CSF3: variants seen among roughly 807,000 people sequenced by gnomAD.
CSF3 encodes granulocyte colony-stimulating factor.
In CSF3, 17 loss-of-function variants were observed where a neutral mutation model predicts 20.2. The observed-to-expected ratio is 0.84, with a 90% CI of 0.58 to 1.26. CSF3 has a LOEUF of 1.26. Ranked by LOEUF, CSF3 falls within the 50% of genes most tolerant of loss-of-function variation. CSF3 has a pLI of 0.00. For missense variants in CSF3, 210 were observed against 256.0 expected (o/e 0.82, Z 1.23); for synonymous variants, 125 against 115.3 (o/e 1.08, Z -0.54).
intron 2 of CSF3, 115 bp downstream of exon 2, chr17:40,015,960 T>A: frequency 7.1e-7 from 1 of 1,414,266 alleles, no homozygotes; most frequent in Non-Finnish European, 9.4e-7. Context: ...TTAGGAGCAG[T>A]GGAGCTGGGG....
In CSF3 at chr17:40,017,178, A is replaced by G. The variant is rs1398738602; in HGVS notation, c.*219A>G. On this transcript the variant is annotated 3_prime_UTR_variant, in exon 5 of 5. Transcript: ENST00000394149. ...GATAGGTAAATACCAAGTATTTATTACTATGACTGCTCCCCAGCCCTGGCT... is the reference window on the plus strand; with the variant it reads ...GATAGGTAAATACCAAGTATTTATTGCTATGACTGCTCCCCAGCCCTGGCT... The G allele has an allele frequency of 4.4e-6, 2 of 458,926 alleles. No homozygotes were observed. Among genetic ancestry groups the G allele is most frequent in the African/African-American group, 4.1e-5 (2 of 48,852 alleles). 28.4% of individuals were successfully genotyped at this position (458,926 alleles called of 1,614,324 possible).
At chr17:40,016,195 G>T in intron 2 of CSF3, 38 bp from the exon 3 acceptor site, 1 of 1,462,158 alleles carries the variant, frequency 6.8e-7, no homozygotes, top group Non-Finnish European at 9.2e-7. Flanking sequence ...CGGCGACCCG[G>T]CCATGGCGAG....
In CSF3 at chr17:40,015,581, A is replaced by C; in HGVS notation, c.40+67A>C. On this transcript the variant is annotated intron_variant, in intron 1 of 4. Transcript: ENST00000394149. The stretch of plus-strand genomic sequence containing the variant: ...CATGGGAGGGAGGCTGGTGTGACAG[A>C]GGGGCTGGGGATCCCCGTTCTGGGA... The C allele has an allele frequency of 1.9e-6, 3 of 1,548,744 alleles. No homozygotes were observed. The South Asian group carries it at 3.6e-5, about 18-fold the overall frequency.
intron 2 of CSF3, 39 bp downstream of exon 2, chr17:40,015,884 G>T (rs758932124): frequency 1.3e-6 from 2 of 1,578,066 alleles, no homozygotes; most frequent in Non-Finnish European, 1.7e-6. Flanking sequence ...AGGGAAGCCC[G>T]GTGGGGAGAG....
intron 2 of CSF3, 145 bp downstream of exon 2, chr17:40,015,990 GGGA>G (rs1981357875): frequency 1.6e-6 from 2 of 1,273,872 alleles, no homozygotes; most frequent in Non-Finnish European, 1.1e-6. Flanking sequence ...AAGGGACTTG[GGGA>G]GGAGGACCTT....
At chr17:40,015,873 G>C in intron 2 of CSF3, 28 bp downstream of exon 2, 2 of 1,589,512 alleles carry the variant, frequency 1.3e-6, no homozygotes, top group Non-Finnish European at 1.7e-6. Context: ...GAGGGCTGTG[G>C]AGGGAAGCCC....
intron 2 of CSF3, 118 bp from the exon 3 acceptor site, chr17:40,016,115 G>A (rs1162340197): frequency 1.1e-6 from 1 of 884,158 alleles, no homozygotes; most frequent in Non-Finnish European, 1.7e-6. Flanking sequence ...GGGCAGAGAG[G>A]AACTGAACAG....
Position 40,016,466 on chromosome 17 carries a change from C to T in CSF3, c.304-19C>T. On this transcript the variant is annotated intron_variant, in intron 3 of 4. Coordinates refer to ENST00000394149, the MANE Select transcript of CSF3 (RefSeq NM_172219.3). ...GTATCTCAGGCAGCACCCCCTAACT[C>T]TTCCGCTCTGTCTCACAGGCAGGCT... The T allele has an allele frequency of 6.2e-7, 1 of 1,614,020 alleles. No individual in the cohort carries two copies. The highest frequency in any genetic ancestry group is 8.5e-7 in the Non-Finnish European group (1 of 1,179,924).
rs139012113 is a variant in CSF3 at position 40,016,562 on chromosome 17, C to A, written c.381C>A (p.Pro127=). 5.1e-5 allele frequency: 82 copies of A among 1,614,202 alleles called. No homozygotes were observed. The highest frequency in any genetic ancestry group is 4.2e-4 in the Admixed American group (25 of 60,030). ...GLLQALEGIS[P]ELGPTLDTLQ... ...TGCAGGCCCTGGAAGGGATCTCCCC[C>A]GAGTTGGGTCCCACCTTGGACACAC... The change falls in exon 4 of 5, where the codon CCC becomes CCA. Residue 127 remains proline (P), a synonymous_variant. Transcript: ENST00000394149.
chr17:40,015,592 A>T, intron 1 of CSF3, 78 bp downstream of exon 1: 1 of 1,547,364 alleles, frequency 6.5e-7, no homozygotes, highest in Non-Finnish European at 8.7e-7. Flanking sequence ...GGGGCTGGGG[A>T]TCCCCGTTCT....
In CSF3 at chr17:40,017,101, C is replaced by T. The variant is rs1281356295; in HGVS notation, c.*142C>T. ...GCATTTCTGAGTTTCATTCTCCTGC[C>T]TGTAGCAGTGAGAAAAAGCTCCTGT... On this transcript the variant is annotated 3_prime_UTR_variant, in exon 5 of 5. Transcript: ENST00000394149. The T allele has an allele frequency of 5.0e-6, 4 of 796,260 alleles. No individual in the cohort carries two copies. Among genetic ancestry groups the T allele is most frequent in the African/African-American group, 3.6e-5 (2 of 56,104 alleles). The allele number at this position is 796,260 out of a possible 1,614,324, so 49.3% of individuals were successfully genotyped here. A position where few individuals can be genotyped will look rare whatever the true frequency, so the allele number is the denominator to read the frequency against.
chr17:40,016,973 C>G lies in CSF3; in HGVS notation c.*14C>G, dbSNP rs760617456. 6.5e-7 allele frequency: 1 copy of G among 1,545,398 alleles called. No homozygotes were observed. The highest frequency in any genetic ancestry group is 2.3e-5 in the East Asian group (1 of 44,158). Reference sequence around the variant, plus strand: ...GCCCAGCCCTGAGCCAAGCCCTCCCCATCCCATGTATTTATCTCTATTTAA... The same window carrying G: ...GCCCAGCCCTGAGCCAAGCCCTCCCGATCCCATGTATTTATCTCTATTTAA... On this transcript the variant is annotated 3_prime_UTR_variant, in exon 5 of 5. Coordinates refer to ENST00000394149, the MANE Select transcript of CSF3 (RefSeq NM_172219.3).
Position 40,017,619 on chromosome 17 carries a change from G to C in CSF3, c.*660G>C, listed in dbSNP as rs1981490329. ...AGGACTGTGACTCTTTTTAGGGCCA[G>C]GCAGGTGCCTGGACATTTGCCTTGC... On this transcript the variant is annotated 3_prime_UTR_variant, in exon 5 of 5. Transcript: ENST00000394149. 1.3e-5 allele frequency: 2 copies of C among 152,450 alleles called. No individual in the cohort carries two copies. The highest frequency in any genetic ancestry group is 2.9e-5 in the Non-Finnish European group (2 of 68,134). The allele number at this position is 152,450 out of a possible 1,614,324, so 9.4% of individuals were successfully genotyped here. A position where few individuals can be genotyped will look rare whatever the true frequency, so the allele number is the denominator to read the frequency against.
chr17:40,016,074 G>A (rs1427792122), intron 2 of CSF3, 159 bp from the exon 3 acceptor site: 15 of 822,992 alleles, frequency 1.8e-5, no homozygotes, highest in Non-Finnish European at 2.6e-5. Context: ...AAAGGGCAAG[G>A]GCCCCTGTGA....
intron 4 of CSF3, 31 bp downstream of exon 4, chr17:40,016,662 C>T (rs374689597): frequency 9.3e-6 from 15 of 1,613,238 alleles, no homozygotes; most frequent in Non-Finnish European, 1.2e-5. Flanking sequence ...TGGCCAAGGT[C>T]GTGCTGGCAT....
chr17:40,016,206 T>C (rs770897816), intron 2 of CSF3, 27 bp from the exon 3 acceptor site: 2 of 1,500,548 alleles, frequency 1.3e-6, no homozygotes, highest in African/African-American at 2.8e-5. Flanking sequence ...CCATGGCGAG[T>C]CTCACTCAGC....
chr17:40,016,416 C>T, intron 3 of CSF3, 69 bp from the exon 4 acceptor site: 2 of 1,607,162 alleles, frequency 1.2e-6, no homozygotes, highest in Non-Finnish European at 1.7e-6. Context: ...CCCCATGTCT[C>T]CAGGTTCCAA....
chr17:40,016,561 C>A lies in CSF3; in HGVS notation c.380C>A (p.Pro127His), dbSNP rs145136406. Residue 127 changes from proline (P) to histidine (H), a missense_variant, in exon 4 of 5, where the codon CCC (proline) becomes CAC (histidine). Coordinates refer to ENST00000394149, the MANE Select transcript of CSF3 (RefSeq NM_172219.3). ...GLLQALEGIS[P>H]ELGPTLDTLQ... The stretch of plus-strand genomic sequence containing the variant: ...CTGCAGGCCCTGGAAGGGATCTCCC[C>A]CGAGTTGGGTCCCACCTTGGACACA... 5 of 1,614,098 alleles carry A rather than the reference C, an allele frequency of 3.1e-6. No individual in the cohort carries two copies. The African/African-American group carries it at 5.3e-5, about 17-fold the overall frequency.
At position 40,016,618 on chromosome 17, in the gene CSF3, C is replaced by T. The variant is rs772466210; in HGVS notation, c.437C>T (p.Thr146Ile). 87 of 1,614,064 alleles carry T rather than the reference C, an allele frequency of 5.4e-5. 2 individuals carry two copies. In the Middle Eastern group the frequency reaches 1.3e-3, roughly 24 times the overall value. Residue 146 changes from threonine to isoleucine, a missense_variant, in exon 4 of 5, where the codon ACC becomes ATC. Transcript: ENST00000394149. ...LQLDVADFAT[T>I]IWQQMEELGM... ...CTGGACGTCGCCGACTTTGCCACCA[C>T]CATCTGGCAGCAGGTGAGCCTTGTT... is the stretch of plus-strand genomic sequence containing the variant.
Sources: allele counts gnomAD v4.1 joint callset, GRCh38; gene constraint gnomAD v4.1.1; transcripts MANE v1.5; gene names NCBI Gene and HGNC (gene_info 2026-07-23, HGNC 2026-07-21).